Variants in HCN4 observed in about 807,000 individuals in gnomAD.
HCN4 encodes the protein potassium/sodium hyperpolarization-activated cyclic nucleotide-gated channel 4.
HCN4 carries 29 observed loss-of-function variants against 76.9 expected under a neutral mutation model. The ratio of observed to expected loss-of-function variants is 0.38; its 90% confidence interval spans 0.28 to 0.51. The LOEUF is 0.51. HCN4 is among the 20% of genes least tolerant of loss of function. HCN4 has a pLI of 0.90. For synonymous variants in HCN4, 772 were observed against 762.5 expected (o/e 1.01, Z -0.21); for missense variants, 1,416 against 1,715.2 (o/e 0.83, Z 3.08).
rs1166483072 is a variant in HCN4 at position 73,319,977 on chromosome 15, G to T, written c.*2504C>A. ...CTGGGTGTGGGAGGGCCCATTGCCT[G>T]CACCTGTCTGTCCCAGTCTCTGCAG... On this transcript the variant is annotated 3_prime_UTR_variant, in exon 8 of 8. Coordinates refer to ENST00000261917, the MANE Select transcript of HCN4 (RefSeq NM_005477.3). 2 of 152,156 alleles carry T rather than the reference G, an allele frequency of 1.3e-5. No homozygotes were observed. Among genetic ancestry groups the T allele is most frequent in the Non-Finnish European group, 2.9e-5 (2 of 68,030 alleles). The allele number at this position is 152,156 out of a possible 1,614,324, so 9.4% of individuals were successfully genotyped here.
At chr15:73,329,868 C>A (rs1213276589) in intron 3 of HCN4, 77 bp from the exon 4 acceptor site, 1 of 1,211,060 alleles carries the variant, frequency 8.3e-7, no homozygotes, top group African/African-American at 1.5e-5. Context: ...GCCCTGCCAC[C>A]TCCTCACCTC....
rs2042921301 is a variant in HCN4 at position 73,329,676 on chromosome 15, A to G, written c.1487T>C (p.Met496Thr). The G allele has an allele frequency of 1.2e-6, 2 of 1,614,180 alleles. No individual in the cohort carries two copies. Among genetic ancestry groups the G allele is most frequent in the Non-Finnish European group, 1.7e-6 (2 of 1,180,004 alleles). Residue 496 changes from methionine (M) to threonine (T), a missense_variant, in exon 4 of 8, where the codon ATG becomes ACG. By Grantham distance (81) the Met-to-Thr change is moderately conservative. This residue lies in a region of HCN4 where 112 missense variants were observed against 259.9 expected (regional missense o/e 0.43). Transcript: ENST00000261917. ...PVGMSDVWLT[M>T]LSMIVGATCY... is the part of the protein sequence containing the mutation. The stretch of plus-strand genomic sequence containing the variant: ...GGTGGCACCCACGATCATGCTGAGC[A>G]TGGTGAGCCAGACGTCGGACATGCC...
chr15:73,343,711 AG>A lies in HCN4; in HGVS notation c.882del (p.Trp295GlyfsTer41). On this transcript the variant is annotated frameshift_variant, in exon 2 of 8. Coordinates refer to ENST00000261917, the MANE Select transcript of HCN4 (RefSeq NM_005477.3). LOFTEE classifies it high-confidence loss of function. The surrounding 1 kb of genome is among the most constrained non-coding windows in gnomAD (Gnocchi z 5.7). ...TCTGACACCACATTGAAGACAATCCAGGGTGTGGTGTTCTCATCCTTGAAGA... is the reference window on the plus strand; with the variant it reads ...TCTGACACCACATTGAAGACAATCCAGGTGTGGTGTTCTCATCCTTGAAGA... ...ITFFKDENTT[P>X]WIVFNVVSDT... 6.2e-7 allele frequency: 1 copy of A among 1,614,192 alleles called. No homozygotes were observed. Among genetic ancestry groups the A allele is most frequent in the Non-Finnish European group, 8.5e-7 (1 of 1,180,014 alleles).
rs1290214847 is a variant in HCN4 at position 73,320,775 on chromosome 15, T to G, written c.*1706A>C. ...CCACTCCACATCCACCTCAGGAATC[T>G]CCCCACCATACACTCCATCCCACCC... On this transcript the variant is annotated 3_prime_UTR_variant, in exon 8 of 8. Transcript: ENST00000261917. 1 of 152,064 alleles carries G rather than the reference T, an allele frequency of 6.6e-6. No individual in the cohort carries two copies. Among genetic ancestry groups the G allele is most frequent in the Non-Finnish European group, 1.5e-5 (1 of 68,052 alleles). 9.4% of individuals were successfully genotyped at this position (152,064 alleles called of 1,614,324 possible).
In HCN4 at chr15:73,368,415, G is replaced by A; in HGVS notation, c.-145C>T. 2.1e-6 allele frequency: 1 copy of A among 474,354 alleles called. No homozygotes were observed. The highest frequency in any genetic ancestry group is 3.4e-6 in the Non-Finnish European group (1 of 291,952). 29.4% of individuals were successfully genotyped at this position (474,354 alleles called of 1,614,324 possible). ...GGCAGCCTCAGGCGCCCATGCTTGG[G>A]CAGGCTGCGCGCCGCGGGGAGGATC... On this transcript the variant is annotated 5_prime_UTR_variant, in exon 1 of 8. Coordinates refer to ENST00000261917, the MANE Select transcript of HCN4 (RefSeq NM_005477.3). This position sits in a 1 kb window ranked among gnomAD's most constrained non-coding sequence, Gnocchi z 6.9.
rs1462561304 is a variant in HCN4 at position 73,321,524 on chromosome 15, A to C, written c.*957T>G. ...GCGAAACCAGTGCTTGGCACAGAGC[A>C]GACTCAATAAACAGAAGTTCCGCTC... On this transcript the variant is annotated 3_prime_UTR_variant, in exon 8 of 8. Transcript: ENST00000261917. 1 of 152,672 alleles carries C rather than the reference A, an allele frequency of 6.5e-6. No individual in the cohort carries two copies. The highest frequency in any genetic ancestry group is 1.9e-4 in the East Asian group (1 of 5,200). 9.5% of individuals were successfully genotyped at this position (152,672 alleles called of 1,614,324 possible). A position where few individuals can be genotyped will look rare whatever the true frequency, so the allele number is the denominator to read the frequency against.
At chr15:73,353,838 T>C (rs1419840670) in intron 1 of HCN4, among the ~76,000 whole-genome samples, 1 of 152,110 alleles carries the variant, frequency 6.6e-6, no homozygotes, top group Non-Finnish European at 1.5e-5. Flanking sequence ...GGTGCTCAGC[T>C]CAGGTCTCTG....
rs1456642227 is a variant in HCN4 at position 73,367,597 on chromosome 15, C to T, written c.674G>A (p.Gly225Glu). The T allele has an allele frequency of 3.1e-6, 5 of 1,613,748 alleles. No homozygotes were observed. Among genetic ancestry groups the T allele is most frequent in the Non-Finnish European group, 3.4e-6 (4 of 1,180,000 alleles). The change falls in exon 1 of 8, where the codon GGG (glycine) becomes GAG (glutamate). Residue 225 changes from glycine to glutamate, a missense_variant. By Grantham distance (98) the Gly-to-Glu change is moderately conservative. Around this residue, in one of 6 missense-constraint regions of HCN4, gnomAD observed 355 missense variants for 347.8 expected, o/e 1.02. Coordinates refer to ENST00000261917, the MANE Select transcript of HCN4 (RefSeq NM_005477.3). This position sits in a 1 kb window ranked among gnomAD's most constrained non-coding sequence, Gnocchi z 7.5. ...CATCCTTAGGGAGAATTTGTTGACC[C>T]CGGGTTGGAGCATGGCCCCGAACTG... ...QRQFGAMLQP[G>E]VNKFSLRMFG...
At chr15:73,331,426 A>G (rs1359284504) in intron 3 of HCN4, among the ~76,000 whole-genome samples, 2 of 152,180 alleles carry the variant, frequency 1.3e-5, no homozygotes, top group African/African-American at 4.8e-5. Flanking sequence ...GGCTGCAAAT[A>G]GTACCCTTGA....
chr15:73,329,092 G>A (rs756148686), intron 4 of HCN4, among the ~76,000 whole-genome samples: 4 of 152,160 alleles, frequency 2.6e-5, no homozygotes, highest in Non-Finnish European at 5.9e-5. Flanking sequence ...ACAGCACCGG[G>A]GCCCCAGACA....
intron 2 of HCN4, among the ~76,000 whole-genome samples, chr15:73,335,906 A>G (rs558421015): frequency 6.6e-6 from 1 of 152,196 alleles, no homozygotes; most frequent in South Asian, 2.1e-4. Context: ...TGTCTATGCC[A>G]TGTCCCCTGG....
intron 2 of HCN4, among the ~76,000 whole-genome samples, chr15:73,334,369 G>T (rs997549863): frequency 6.6e-6 from 1 of 152,094 alleles, no homozygotes; most frequent in Non-Finnish European, 1.5e-5. Context: ...GGCTGGTCAT[G>T]TTCAGGCACC....
At chr15:73,339,016 C>T (rs1281216369) in intron 2 of HCN4, among the ~76,000 whole-genome samples, 1 of 152,214 alleles carries the variant, frequency 6.6e-6, no homozygotes, top group Admixed American at 6.5e-5. Flanking sequence ...TCATCAGAGG[C>T]CACACAGCAG....
In HCN4 at chr15:73,329,759, C is replaced by T. The variant is rs764767880; in HGVS notation, c.1404G>A (p.Ala468=). Residue 468 remains alanine, a synonymous_variant, in exon 4 of 8, where the codon GCG becomes GCA. Transcript: ENST00000261917. Reference sequence around the variant, plus strand: ...GCATGTGGCTCATGGCCTTGAAGAGCGCGTAGGAGTACTGCTTCCCCCAGG... The same window carrying T: ...GCATGTGGCTCATGGCCTTGAAGAGTGCGTAGGAGTACTGCTTCCCCCAGG... ...NNSWGKQYSY[A]LFKAMSHMLC... is the part of the protein sequence containing the mutation. 16 of 1,613,944 alleles carry T rather than the reference C, an allele frequency of 9.9e-6. No individual in the cohort carries two copies. Among genetic ancestry groups the T allele is most frequent in the African/African-American group, 4.0e-5 (3 of 74,938 alleles).
At chr15:73,355,978 C>T (rs1595833405) in intron 1 of HCN4, among the ~76,000 whole-genome samples, 1 of 152,166 alleles carries the variant, frequency 6.6e-6, no homozygotes, top group Admixed American at 6.5e-5. Flanking sequence ...AACACCACTC[C>T]CCCAGGAACC....
At chr15:73,351,718 C>A (rs1205912686) in intron 1 of HCN4, among the ~76,000 whole-genome samples, 1 of 152,200 alleles carries the variant, frequency 6.6e-6, no homozygotes, top group Non-Finnish European at 1.5e-5. Context: ...CTTTGCTAAG[C>A]CCCAAATCCT....
At chr15:73,326,014 T>C (rs1282452814) in intron 4 of HCN4, among the ~76,000 whole-genome samples, 1 of 151,958 alleles carries the variant, frequency 6.6e-6, no homozygotes, top group East Asian at 1.9e-4. Flanking sequence ...AAAAGCAGGG[T>C]AGACTAATTT....
At chr15:73,351,269 C>G (rs916796351) in intron 1 of HCN4, among the ~76,000 whole-genome samples, 4 of 152,090 alleles carry the variant, frequency 2.6e-5, no homozygotes, top group Admixed American at 2.6e-4. Context: ...CATCTCTTCC[C>G]GCTCTGTGCA....
At chr15:73,352,888 G>A (rs919694822) in intron 1 of HCN4, among the ~76,000 whole-genome samples, 1 of 152,232 alleles carries the variant, frequency 6.6e-6, no homozygotes, top group African/African-American at 2.4e-5. Context: ...CCTACTGTGA[G>A]CTCCCCAAGG....
Sources: allele counts gnomAD v4.1 joint callset (sites outside exome capture counted in the v4.1 genomes callset), GRCh38; gene constraint gnomAD v4.1.1; regional missense constraint gnomAD v4.1.1; non-coding constraint Gnocchi (gnomAD v3.1); transcripts MANE v1.5; gene names NCBI Gene and HGNC (gene_info 2026-07-23, HGNC 2026-07-21).